NOTCH1: variants seen among roughly 807,000 people sequenced by gnomAD.
NOTCH1 encodes the protein notch receptor 1, also known as neurogenic locus notch homolog protein 1.
In NOTCH1, 37 loss-of-function variants were observed where a neutral mutation model predicts 254.8. The observed-to-expected ratio is 0.15, with a 90% CI of 0.11 to 0.19. The LOEUF (loss-of-function observed/expected upper bound fraction) is 0.19. Among genes scored for constraint, NOTCH1 ranks in the 10% least tolerant of loss-of-function variants. The pLI, the probability that NOTCH1 is intolerant of heterozygous loss-of-function variation, is 1.00. For missense variants in NOTCH1, 2,972 were observed against 3,708.6 expected (o/e 0.80, Z 5.16); for synonymous variants, 1,731 against 1,618.1 (o/e 1.07, Z -1.68).
At chr9:136,501,652 T>C in intron 30 of NOTCH1, 96 bp downstream of exon 30, 1 of 1,465,694 alleles carries the variant, frequency 6.8e-7, no homozygotes, top group Non-Finnish European at 9.4e-7. Context: ...CAATTCTAAG[T>C]TTCCAGAGTA....
In NOTCH1 at chr9:136,531,739, C is replaced by T. The variant is rs891872365; in HGVS notation, c.141-7760G>A. ...TGCCGGAGGAGCACTCCTGGCATCC[C>T]GGGGGCAGACGCCGCCCTCCTGCGC... On this transcript the variant is annotated intron_variant, in intron 2 of 33. Transcript: ENST00000651671. 4.6e-5 allele frequency among the ~76,000 whole-genome samples: 7 copies of T among 152,202 alleles called. No individual in the cohort carries two copies. The South Asian group carries it at 6.2e-4, about 13-fold the overall frequency.
At chr9:136,529,734 C>T (rs527573764) in intron 2 of NOTCH1, among the ~76,000 whole-genome samples, 1 of 152,282 alleles carries the variant, frequency 6.6e-6, no homozygotes, top group African/African-American at 2.4e-5. Context: ...CGCCCTGCAG[C>T]CGCTGGGTCT....
At chr9:136,500,356 T>C (rs143891202) in intron 31 of NOTCH1, among the ~76,000 whole-genome samples, 196 bp downstream of exon 31, 9 of 152,332 alleles carry the variant, frequency 5.9e-5, no homozygotes, top group South Asian at 2.1e-4. Flanking sequence ...CTGACTTCCC[T>C]GGAGAACACA....
chr9:136,509,929 C>T lies in NOTCH1; in HGVS notation c.2773G>A (p.Gly925Ser), dbSNP rs775047070. ...PCHNGGSCTD[G>S]INTAFCDCLP... is the part of the protein sequence containing the mutation. Reference sequence around the variant, plus strand: ...CAGTCGCAGAAGGCCGTGTTGATGCCGTCTGTGCAGGAGCCCCCGTTGTGA... The same window carrying T: ...CAGTCGCAGAAGGCCGTGTTGATGCTGTCTGTGCAGGAGCCCCCGTTGTGA... Residue 925 changes from glycine to serine, a missense_variant, in exon 18 of 34, where the codon GGC (glycine) becomes AGC (serine). Gly to Ser is a moderately conservative substitution (Grantham distance 56). Coordinates refer to ENST00000651671, the MANE Select transcript of NOTCH1 (RefSeq NM_017617.5). 5.6e-6 allele frequency: 9 copies of T among 1,613,122 alleles called. No individual in the cohort carries two copies. The highest frequency in any genetic ancestry group is 1.7e-5 in the Admixed American group (1 of 60,010).
In NOTCH1 at chr9:136,506,707, G is replaced by C. The variant is rs370537711; in HGVS notation, c.3901+9C>G. 6.3e-7 allele frequency: 1 copy of C among 1,596,498 alleles called. No individual in the cohort carries two copies. The highest frequency in any genetic ancestry group is 8.5e-7 in the Non-Finnish European group (1 of 1,172,314). On this transcript the variant is annotated intron_variant, in intron 23 of 33. Coordinates refer to ENST00000651671, the MANE Select transcript of NOTCH1 (RefSeq NM_017617.5). The surrounding 1 kb of genome is among the most constrained non-coding windows in gnomAD (Gnocchi z 4.5). ...CCACACGCCCCACCCGCCTGGGCGC[G>C]GCACCCACCGGTGTGACCAGCACGG...
chr9:136,495,340 T>C lies in NOTCH1; in HGVS notation c.*731A>G, dbSNP rs758432881. 1.5e-5 allele frequency: 6 copies of C among 398,722 alleles called. No homozygotes were observed. Among genetic ancestry groups the C allele is most frequent in the Non-Finnish European group, 2.2e-5 (5 of 226,076 alleles). 24.7% of individuals were successfully genotyped at this position (398,722 alleles called of 1,614,324 possible). A position where few individuals can be genotyped will look rare whatever the true frequency, so the allele number is the denominator to read the frequency against. The stretch of plus-strand genomic sequence containing the variant: ...ACGAACAACTACATAATACTGAACC[T>C]GAAACAAAGATTCATGATTGGTACC... On this transcript the variant is annotated 3_prime_UTR_variant, in exon 34 of 34. Coordinates refer to ENST00000651671, the MANE Select transcript of NOTCH1 (RefSeq NM_017617.5).
chr9:136,497,825 TG>T (rs569097435), intron 33 of NOTCH1, among the ~76,000 whole-genome samples: 1 of 152,144 alleles, frequency 6.6e-6, no homozygotes, highest in Non-Finnish European at 1.5e-5. Context: ...TCCACCTCTA[TG>T]GGGGGGTCAC....
chr9:136,535,964 T>TC (rs1228030939), intron 2 of NOTCH1, among the ~76,000 whole-genome samples: 27 of 63,898 alleles, frequency 4.2e-4, no homozygotes, highest in African/African-American at 8.3e-4. Flanking sequence ...TCAGGATCCC[T>TC]CCTGGGGCAA....
In NOTCH1 at chr9:136,503,125, C is replaced by A. The variant is rs755755232; in HGVS notation, c.5167+57G>T. The A allele has an allele frequency of 1.9e-6, 3 of 1,609,586 alleles. No individual in the cohort carries two copies. In the South Asian group the frequency reaches 3.3e-5, roughly 18 times the overall value. ...ACAAACAGCCAGCGTGTCTGGGGCA[C>A]GGGGGGATGGCACCCCCTGCAGGCA... On this transcript the variant is annotated intron_variant, in intron 27 of 33. Coordinates refer to ENST00000651671, the MANE Select transcript of NOTCH1 (RefSeq NM_017617.5).
At position 136,511,590 on chromosome 9, in the gene NOTCH1, A is replaced by C. The variant is rs1843182650; in HGVS notation, c.2468-319T>G. On this transcript the variant is annotated intron_variant, in intron 15 of 33. Transcript: ENST00000651671. ...GCCCAGGAACAAGGACTGCACCAGGAGAGGCGGCCTCAGTCGGGTGGGCTC... is the reference window on the plus strand; with the variant it reads ...GCCCAGGAACAAGGACTGCACCAGGCGAGGCGGCCTCAGTCGGGTGGGCTC... Among the ~76,000 whole-genome samples the C allele has an allele frequency of 2.0e-5, 3 of 152,220 alleles. No individual in the cohort carries two copies. In the South Asian group the frequency reaches 6.2e-4, roughly 32 times the overall value.
In NOTCH1 at chr9:136,500,816, G is replaced by A. The variant is rs1478912526; in HGVS notation, c.5670C>T (p.Cys1890=). Residue 1890 remains cysteine (C), a synonymous_variant, in exon 31 of 34, where the codon TGC becomes TGT. Coordinates refer to ENST00000651671, the MANE Select transcript of NOTCH1 (RefSeq NM_017617.5). ...DGFTPLMIAS[C]SGGGLETGNS... The stretch of plus-strand genomic sequence containing the variant: ...TGCCCGTCTCCAGGCCGCCCCCGCT[G>A]CAGGAGGCGATCATGAGCGGGGTGA... 4 of 1,598,432 alleles carry A rather than the reference G, an allele frequency of 2.5e-6. No homozygotes were observed. In the South Asian group the frequency reaches 3.3e-5, roughly 13 times the overall value.
chr9:136,519,385 G>A (rs747705420), intron 5 of NOTCH1, 58 bp downstream of exon 5: 8 of 1,605,474 alleles, frequency 5.0e-6, no homozygotes, highest in Non-Finnish European at 5.9e-6. Context: ...GTGCAGTTTA[G>A]TAAGTGGGTA....
In NOTCH1 at chr9:136,496,841, C is replaced by T. The variant is rs587778573; in HGVS notation, c.6898G>A (p.Gly2300Arg). The change falls in exon 34 of 34, where the codon GGG (glycine) becomes AGG (arginine). Residue 2300 changes from glycine to arginine, a missense_variant. Gly to Arg is a moderately radical substitution (Grantham distance 125). This residue lies in a region of NOTCH1 where 529 missense variants were observed against 529.2 expected (regional missense o/e 1.00). Coordinates refer to ENST00000651671, the MANE Select transcript of NOTCH1 (RefSeq NM_017617.5). ...CATTGACCATTCAAACTGGTGGACC[C>T]GCCCACAGTGAAATTCAGGGCCCCT... is the stretch of plus-strand genomic sequence containing the variant. Reference protein sequence around the residue: ...SGGALNFTVGGSTSLNGQCEW... With the variant: ...SGGALNFTVGRSTSLNGQCEW... 91 of 1,612,826 alleles carry T rather than the reference C, an allele frequency of 5.6e-5. No homozygotes were observed. In the African/African-American group the frequency reaches 8.8e-4, roughly 16 times the overall value.
intron 13 of NOTCH1, 72 bp downstream of exon 13, chr9:136,514,438 T>A (rs1843229801): frequency 6.7e-7 from 1 of 1,487,584 alleles, no homozygotes; most frequent in South Asian, 1.2e-5. Flanking sequence ...TCTGTGCAGG[T>A]GCCACCCTCC....
In NOTCH1 at chr9:136,497,215, T is replaced by C. The variant is rs2133318154; in HGVS notation, c.6524A>G (p.Asp2175Gly). ...GGACTTCTTCCTCCGTGCCTTGAGG[T>C]CCTTGGCCTCCTTGCTTCCACAGGC... ...GLACGSKEAK[D>G]LKARRKKSQD... The change falls in exon 34 of 34, where the codon GAC (aspartate) becomes GGC (glycine). Residue 2175 changes from aspartate to glycine, a missense_variant. Around this residue, in one of 8 missense-constraint regions of NOTCH1, gnomAD observed 529 missense variants for 529.2 expected, o/e 1.00. Coordinates refer to ENST00000651671, the MANE Select transcript of NOTCH1 (RefSeq NM_017617.5). The C allele has an allele frequency of 6.2e-7, 1 of 1,612,700 alleles. No homozygotes were observed. Among genetic ancestry groups the C allele is most frequent in the Non-Finnish European group, 8.5e-7 (1 of 1,179,938 alleles).
rs2133372901 is a variant in NOTCH1, at chr9:136,519,561, G to A, written c.747C>T (p.Phe249=). Residue 249 remains phenylalanine (F), a synonymous_variant, in exon 5 of 34, where the codon TTC becomes TTT. Transcript: ENST00000651671. ...TATTTTCCTCACAGTTCTGGCCGGT[G>A]AAGCCTGCCGCAAGAGGGGCCGGGT... ...VTHECACLPG[F]TGQNCEENID... 3 of 1,612,798 alleles carry A rather than the reference G, an allele frequency of 1.9e-6. No individual in the cohort carries two copies. The highest frequency in any genetic ancestry group is 2.5e-6 in the Non-Finnish European group (3 of 1,179,916).
At chr9:136,512,320 G>T (rs1339052990) in intron 15 of NOTCH1, among the ~76,000 whole-genome samples, 3 of 152,212 alleles carry the variant, frequency 2.0e-5, no homozygotes, top group Non-Finnish European at 2.9e-5. Context: ...CAGCCCGGCT[G>T]CCTGGCCCAG....
At chr9:136,499,499 GACC>G (rs1403263136) in intron 31 of NOTCH1, among the ~76,000 whole-genome samples, 3 of 152,228 alleles carry the variant, frequency 2.0e-5, no homozygotes, top group Non-Finnish European at 4.4e-5. Context: ...GATCCATCGT[GACC>G]ACGTGTGGCC....
chr9:136,542,544 C>CAA (rs1174860714), intron 2 of NOTCH1, among the ~76,000 whole-genome samples: 80 of 52,488 alleles, frequency 1.5e-3, no homozygotes, highest in African/African-American at 3.8e-3. Flanking sequence ...CCCCAAAAAG[C>CAA]AAAAAAAAAA....
Sources: gnomAD v4.1 joint callset for allele counts (sites outside exome capture counted in the v4.1 genomes callset) on GRCh38, gnomAD v4.1.1 for gene constraint, gnomAD v4.1.1 regional missense constraint, Gnocchi (gnomAD v3.1) non-coding constraint, MANE v1.5 for transcripts, NCBI Gene and HGNC (gene_info 2026-07-23, HGNC 2026-07-21) for gene names.